Variants in CDK14 observed in about 807,000 individuals in gnomAD.
CDK14 encodes cyclin-dependent kinase 14.
Under a neutral mutation model 60.7 loss-of-function variants are expected in CDK14, and 34 were observed. The observed-to-expected ratio is 0.56, with a 90% confidence interval of 0.43 to 0.75. The LOEUF (loss-of-function observed/expected upper bound fraction) is 0.75. Ranked by LOEUF, CDK14 falls within the 30% of genes least tolerant of loss-of-function variation. The pLI is 0.00. For synonymous variants in CDK14, 197 were observed against 203.7 expected, an observed-to-expected ratio of 0.97 and a Z score of 0.28; for missense variants, 482 against 564.1, an observed-to-expected ratio of 0.85 and a Z score of 1.47.
intron 10 of CDK14, among the ~76,000 whole-genome samples, chr7:91,038,140 A>G (rs190505434): frequency 6.6e-6 from 1 of 152,276 alleles, no homozygotes; most frequent in East Asian, 1.9e-4. Context: ...TTGCATTACC[A>G]TTCTGCTCCA....
Position 90,871,662 on chromosome 7 carries a change from A to G in CDK14, c.639+8393A>G, listed in dbSNP as rs145324315. Among the ~76,000 whole-genome samples, 821 of 152,346 alleles carry G rather than the reference A, an allele frequency of 5.4e-3. 4 individuals carry two copies. Among genetic ancestry groups the G allele is most frequent in the Middle Eastern group, 0.01 (3 of 294 alleles). The stretch of plus-strand genomic sequence containing the variant: ...GGATGACTAGATTCACATCAGGAAT[A>G]TTGTAGAAAGGGTTCCTAACCTGTA... On this transcript the variant is annotated intron_variant, in intron 6 of 14. Transcript: ENST00000380050.
chr7:91,155,077 T>C (rs1044506286), intron 14 of CDK14, among the ~76,000 whole-genome samples: 1 of 151,970 alleles, frequency 6.6e-6, no homozygotes, highest in Non-Finnish European at 1.5e-5. Context: ...TGATCAGAAG[T>C]GAACTATTGA....
rs377552672 is a variant in CDK14, at chr7:90,994,658, T to C, written c.1041+10417T>C. Among the ~76,000 whole-genome samples the C allele has an allele frequency of 3.3e-4, 51 of 152,346 alleles. 1 individual carries two copies. In the South Asian group the frequency reaches 6.2e-3, roughly 19 times the overall value. On this transcript the variant is annotated intron_variant, in intron 10 of 14. Transcript: ENST00000380050. ...TTTTTTGTTTTTCCCATACTCCTTA[T>C]AGCCATTATATTACTGCTTCCCGTG...
At chr7:91,010,584 A>C (rs1194373099) in intron 10 of CDK14, among the ~76,000 whole-genome samples, 5 of 151,974 alleles carry the variant, frequency 3.3e-5, no homozygotes, top group Non-Finnish European at 5.9e-5. Context: ...GTTTTTTTAT[A>C]TTCATATTAT....
intron 5 of CDK14, among the ~76,000 whole-genome samples, chr7:90,823,372 A>T (rs1420561667): frequency 1.3e-5 from 2 of 152,224 alleles, no homozygotes; most frequent in African/African-American, 2.4e-5. Flanking sequence ...TTGAAAAATA[A>T]TTTCCCATTG....
chr7:90,639,636 G>C (rs1196037830), intron 2 of CDK14, among the ~76,000 whole-genome samples: 1 of 146,984 alleles, frequency 6.8e-6, no homozygotes, highest in Non-Finnish European at 1.5e-5. Context: ...GCTGCGTGCT[G>C]GGAGAACCAC....
intron 2 of CDK14, among the ~76,000 whole-genome samples, chr7:90,648,497 A>G (rs1800519064): frequency 6.6e-6 from 1 of 152,100 alleles, no homozygotes; most frequent in Non-Finnish European, 1.5e-5. Context: ...GGCTACACAG[A>G]AGAGTGAATA....
intron 14 of CDK14, among the ~76,000 whole-genome samples, chr7:91,179,843 C>T (rs994945476): frequency 1.3e-5 from 2 of 151,756 alleles, no homozygotes; most frequent in Admixed American, 6.6e-5. Flanking sequence ...TAATTATTTT[C>T]GAATTTGTAC....
At chr7:91,092,630 G>A (rs943845658) in intron 12 of CDK14, among the ~76,000 whole-genome samples, 1 of 152,206 alleles carries the variant, frequency 6.6e-6, no homozygotes, top group Admixed American at 6.5e-5. Context: ...GTTGGGAACA[G>A]CCAATTGCAA....
chr7:90,898,074 C>T (rs912907518), intron 6 of CDK14, among the ~76,000 whole-genome samples: 1 of 152,122 alleles, frequency 6.6e-6, no homozygotes, highest in Non-Finnish European at 1.5e-5. Context: ...TCATGTCTTA[C>T]TTAGAAGTAA....
intron 10 of CDK14, among the ~76,000 whole-genome samples, chr7:91,042,225 A>G (rs1321096460): frequency 6.6e-6 from 1 of 152,134 alleles, no homozygotes; most frequent in Non-Finnish European, 1.5e-5. Context: ...TGGAGAGCTG[A>G]AAGTGTTCTG....
intron 2 of CDK14, among the ~76,000 whole-genome samples, chr7:90,629,042 G>C (rs1196638772): frequency 6.6e-6 from 1 of 151,748 alleles, no homozygotes; most frequent in Non-Finnish European, 1.5e-5. Context: ...AATGTAGTGA[G>C]GTTTTCCACC....
At chr7:90,939,461 G>A (rs1419632220) in intron 8 of CDK14, among the ~76,000 whole-genome samples, 9 of 152,198 alleles carry the variant, frequency 5.9e-5, no homozygotes, top group Admixed American at 1.3e-4. Flanking sequence ...TTACTGACAA[G>A]TGAGGATACA....
chr7:91,089,429 A>G (rs1798737746), intron 12 of CDK14, among the ~76,000 whole-genome samples: 1 of 152,118 alleles, frequency 6.6e-6, no homozygotes, highest in Non-Finnish European at 1.5e-5. Context: ...CCTTTTAGAC[A>G]CGCAGATATA....
intron 10 of CDK14, among the ~76,000 whole-genome samples, chr7:90,988,351 T>C (rs1584202872): frequency 6.6e-6 from 1 of 152,272 alleles, no homozygotes; most frequent in Admixed American, 6.5e-5. Flanking sequence ...TGATGGAATT[T>C]TGATGAATTA....
chr7:91,009,399 A>G (rs1452187650), intron 10 of CDK14, among the ~76,000 whole-genome samples: 2 of 152,186 alleles, frequency 1.3e-5, no homozygotes, highest in African/African-American at 2.4e-5. Context: ...AAGAGTGGAA[A>G]GCTCAATCAA....
chr7:91,047,556 CATT>C (rs1797274598), intron 11 of CDK14, among the ~76,000 whole-genome samples: 3 of 152,242 alleles, frequency 2.0e-5, no homozygotes, highest in African/African-American at 4.8e-5. Context: ...TTAAAACAGA[CATT>C]ATGTATGTGA....
intron 14 of CDK14, among the ~76,000 whole-genome samples, chr7:91,154,383 G>C (rs1800918699): frequency 6.6e-6 from 1 of 151,498 alleles, no homozygotes; most frequent in African/African-American, 2.4e-5. Context: ...ATGTTGCCAT[G>C]AAGATCTCTG....
At position 90,727,422 on chromosome 7, in the gene CDK14, A is replaced by C. The variant is rs180825200; in HGVS notation, c.369+610A>C. ...AGTGTTAGAGGGAAACAGACTTTAG[A>C]TATAACTAGTGATTTACAAGTTAGA... On this transcript the variant is annotated intron_variant, in intron 3 of 14. Transcript: ENST00000380050. Among the ~76,000 whole-genome samples the C allele has an allele frequency of 1.3e-3, 202 of 152,298 alleles. 3 individuals carry two copies. In the Middle Eastern group the frequency reaches 0.02, roughly 15 times the overall value.
Sources: gnomAD v4.1 joint callset for allele counts (sites outside exome capture counted in the v4.1 genomes callset) on GRCh38, gnomAD v4.1.1 for gene constraint, MANE v1.5 for transcripts, NCBI Gene and HGNC (gene_info 2026-07-23, HGNC 2026-07-21) for gene names.